Variants in SNX29 observed in about 807,000 individuals in gnomAD.
The protein encoded by SNX29 is sorting nexin 29.
SNX29 carries 78 observed loss-of-function variants against 102.1 expected under a neutral mutation model. The observed-to-expected ratio is 0.76, with a 90% CI of 0.64 to 0.92. The LOEUF (loss-of-function observed/expected upper bound fraction) is 0.92. SNX29 is among the 40% of genes least tolerant of loss of function. SNX29 has a pLI of 0.00. For synonymous variants in SNX29, 580 were observed against 414.5 expected (o/e 1.40, Z -4.85); for missense variants, 1,280 against 1,061.7 (o/e 1.21, Z -2.86).
At chr16:12,437,031 T>C (rs560651844) in intron 18 of SNX29, among the ~76,000 whole-genome samples, 1 of 152,356 alleles carries the variant, frequency 6.6e-6, no homozygotes, top group Middle Eastern at 3.4e-3. Flanking sequence ...TCTGAATACA[T>C]GAAAGGAAAG....
At chr16:12,291,680 C>A (rs930169495) in intron 15 of SNX29, among the ~76,000 whole-genome samples, 1 of 152,182 alleles carries the variant, frequency 6.6e-6, no homozygotes. Flanking sequence ...ACTTAGGTTC[C>A]ATTCTCTCTT....
chr16:12,546,477 A>G (rs1321230604), intron 20 of SNX29: 2 of 152,216 alleles, frequency 1.3e-5, no homozygotes, highest in Non-Finnish European at 2.9e-5. Context: ...ATTCACTGTC[A>G]GAAGAACAGC....
chr16:12,246,306 A>G (rs1469465214), intron 14 of SNX29, among the ~76,000 whole-genome samples: 1 of 152,048 alleles, frequency 6.6e-6, no homozygotes, highest in African/African-American at 2.4e-5. Flanking sequence ...TAGTCTCTGG[A>G]TTAAAAACAG....
intron 16 of SNX29, among the ~76,000 whole-genome samples, chr16:12,365,430 C>T (rs1262348099): frequency 1.3e-5 from 2 of 151,474 alleles, no homozygotes; most frequent in Non-Finnish European, 2.9e-5. Flanking sequence ...TGGCTCATGC[C>T]TGTAATCTCA....
chr16:12,494,340 A>G (rs1269577889), intron 19 of SNX29, among the ~76,000 whole-genome samples: 2 of 152,064 alleles, frequency 1.3e-5, no homozygotes, highest in African/African-American at 2.4e-5. Flanking sequence ...CGCTTGTTTA[A>G]TTGTCTCCTT....
chr16:12,551,214 C>T (rs530974585), intron 20 of SNX29, among the ~76,000 whole-genome samples: 28 of 149,100 alleles, frequency 1.9e-4, no homozygotes, highest in African/African-American at 7.1e-4. Flanking sequence ...ACACACTGCA[C>T]TCAGATTTGC....
In SNX29 at chr16:12,122,389, G is replaced by C. The variant is rs1204836001; in HGVS notation, c.1403-4244G>C. On this transcript the variant is annotated intron_variant, in intron 11 of 20. Transcript: ENST00000566228. ...GTGGGACTGGAGGCCTGTGGAGGCT[G>C]AGTCTCTGAGCGGAGGCAAGAGTAA... Among the ~76,000 whole-genome samples, 6 of 152,268 alleles carry C rather than the reference G, an allele frequency of 3.9e-5. 1 individual carries two copies. In the South Asian group the frequency reaches 1.2e-3, roughly 32 times the overall value.
At chr16:12,237,434 A>G (rs983691609) in intron 14 of SNX29, among the ~76,000 whole-genome samples, 5 of 152,148 alleles carry the variant, frequency 3.3e-5, no homozygotes, top group Non-Finnish European at 7.3e-5. Context: ...TCTGACCATC[A>G]TGTTGCTGTT....
intron 9 of SNX29, among the ~76,000 whole-genome samples, chr16:12,063,473 C>G (rs2050878275): frequency 6.8e-6 from 1 of 146,826 alleles, no homozygotes; most frequent in Non-Finnish European, 1.5e-5. Context: ...CTTCTGGGTT[C>G]AAGTGATTCT....
At chr16:12,450,654 A>G (rs142789085) in intron 18 of SNX29, among the ~76,000 whole-genome samples, 58 of 152,292 alleles carry the variant, frequency 3.8e-4, no homozygotes, top group Admixed American at 1.1e-3. Flanking sequence ...AGAGGGTGCA[A>G]TATGAACCAG....
intron 9 of SNX29, among the ~76,000 whole-genome samples, chr16:12,067,406 C>T (rs530211813): frequency 1.3e-5 from 2 of 152,176 alleles, no homozygotes; most frequent in African/African-American, 2.4e-5. Flanking sequence ...AGGAAGGCAC[C>T]GAGGCGTGCT....
At chr16:12,426,823 G>A (rs564937434) in intron 18 of SNX29, among the ~76,000 whole-genome samples, 1 of 152,210 alleles carries the variant, frequency 6.6e-6, no homozygotes, top group Non-Finnish European at 1.5e-5. Flanking sequence ...ATGCTACCAT[G>A]CCCAGCTAAT....
At chr16:12,244,558 C>T (rs750872512) in intron 14 of SNX29, among the ~76,000 whole-genome samples, 1 of 151,832 alleles carries the variant, frequency 6.6e-6, no homozygotes, top group Admixed American at 6.6e-5. Flanking sequence ...TGCAGTGAGC[C>T]GAGATCATGC....
chr16:12,389,444 C>A (rs566239879), intron 16 of SNX29, among the ~76,000 whole-genome samples: 4 of 152,120 alleles, frequency 2.6e-5, no homozygotes, highest in Non-Finnish European at 5.9e-5. Flanking sequence ...TTTCCGCTTT[C>A]GCTTGGCTCT....
intron 13 of SNX29, among the ~76,000 whole-genome samples, chr16:12,160,830 C>T (rs830703): frequency 2.0e-5 from 3 of 152,162 alleles, no homozygotes; most frequent in African/African-American, 7.2e-5. Context: ...AGTGCTGTCC[C>T]CCATTTCTTG....
intron 3 of SNX29, among the ~76,000 whole-genome samples, chr16:12,016,974 A>C (rs1205703999): frequency 6.6e-6 from 1 of 151,846 alleles, no homozygotes; most frequent in African/African-American, 2.4e-5. Flanking sequence ...CAAAAAAAAA[A>C]ATTAAAAAAA....
At chr16:12,563,330 C>A (rs143030087) in intron 20 of SNX29, among the ~76,000 whole-genome samples, 2 of 152,110 alleles carry the variant, frequency 1.3e-5, no homozygotes, top group African/African-American at 2.4e-5. Flanking sequence ...GAGTCACCGT[C>A]GAGGAGTGGC....
chr16:12,292,362 G>C (rs2079827277), intron 15 of SNX29, among the ~76,000 whole-genome samples: 2 of 152,192 alleles, frequency 1.3e-5, no homozygotes, highest in Admixed American at 1.3e-4. Flanking sequence ...TTTTCTGAAA[G>C]TGGTAGGATT....
At chr16:12,203,858 C>T (rs138785423) in intron 14 of SNX29, among the ~76,000 whole-genome samples, 30 of 152,326 alleles carry the variant, frequency 2.0e-4, no homozygotes, top group Non-Finnish European at 4.4e-5. Flanking sequence ...TGTCACATGG[C>T]TTGAGTGACT....
Sources: gnomAD v4.1 joint callset for allele counts (sites outside exome capture counted in the v4.1 genomes callset) on GRCh38, gnomAD v4.1.1 for gene constraint, MANE v1.5 for transcripts, NCBI Gene and HGNC (gene_info 2026-07-23, HGNC 2026-07-21) for gene names.